The following PCED1B variants were observed in gnomAD, a reference collection of about 807,000 sequenced individuals.
PCED1B encodes the protein PC-esterase domain-containing protein 1B.
For missense variants in PCED1B, 573 were observed against 573.9 expected, an observed-to-expected ratio of 1.00 and a Z score of 0.02; for synonymous variants, 251 against 246.1, an observed-to-expected ratio of 1.02 and a Z score of -0.19.
At chr12:47,115,123 AT>A (rs1386463805) in intron 2 of PCED1B, among the ~76,000 whole-genome samples, 1 of 152,208 alleles carries the variant, frequency 6.6e-6, no homozygotes, top group African/African-American at 2.4e-5. Flanking sequence ...AAATACTTAT[AT>A]AAATGAATAA....
In PCED1B at chr12:47,235,624, C is replaced by T. The variant is rs147194930; in HGVS notation, c.561C>T (p.Thr187=). 1 of 1,610,256 alleles carries T rather than the reference C, an allele frequency of 6.2e-7. No homozygotes were observed. The highest frequency in any genetic ancestry group is 1.3e-5 in the African/African-American group (1 of 74,828). ...CCAAGCTCCGGCGGCAGAAGGCCAC[C>T]TTCCTGAAAAACGAAGTGGTCAAAG... ...LPPKLRRQKA[T]FLKNEVVKAN... is the part of the protein sequence containing the mutation. Residue 187 remains threonine, a synonymous_variant, in exon 4 of 4, where the codon ACC becomes ACT. Transcript: ENST00000546455.
chr12:47,180,542 A>G (rs1207661871), intron 2 of PCED1B, among the ~76,000 whole-genome samples: 1 of 152,240 alleles, frequency 6.6e-6, no homozygotes, highest in African/African-American at 2.4e-5. Context: ...GCATGGGCAA[A>G]GATTTCATGA....
chr12:47,080,389 T>C (rs1018565176), intron 1 of PCED1B, among the ~76,000 whole-genome samples: 1 of 152,190 alleles, frequency 6.6e-6, no homozygotes, highest in Admixed American at 6.5e-5. Context: ...GAGCTTTGCT[T>C]TGGGGCAAGG....
At chr12:47,177,591 C>CAA (rs1300684455) in intron 2 of PCED1B, among the ~76,000 whole-genome samples, 2 of 152,050 alleles carry the variant, frequency 1.3e-5, no homozygotes, top group African/African-American at 4.8e-5. Context: ...TGTACTGATG[C>CAA]CTTAGTCCAG....
At chr12:47,155,227 C>T (rs1460561401) in intron 2 of PCED1B, among the ~76,000 whole-genome samples, 1 of 152,120 alleles carries the variant, frequency 6.6e-6, no homozygotes, top group Non-Finnish European at 1.5e-5. Flanking sequence ...GTAAAATGTT[C>T]CATATACTGA....
chr12:47,228,742 G>A (rs1158335678), intron 3 of PCED1B, among the ~76,000 whole-genome samples: 4 of 151,582 alleles, frequency 2.6e-5, no homozygotes, highest in African/African-American at 9.7e-5. Flanking sequence ...GCATGGTGAT[G>A]CACACCTGTA....
chr12:47,197,121 C>G (rs531014339), intron 2 of PCED1B, among the ~76,000 whole-genome samples: 2 of 147,500 alleles, frequency 1.4e-5, no homozygotes, highest in East Asian at 4.1e-4. Context: ...CACCTGTAAT[C>G]CCAGCTACTC....
At chr12:47,174,351 G>A (rs1249339553) in intron 2 of PCED1B, among the ~76,000 whole-genome samples, 2 of 151,500 alleles carry the variant, frequency 1.3e-5, no homozygotes, top group Admixed American at 6.6e-5. Flanking sequence ...GGAGGTTGCA[G>A]TTAGCGGAGA....
rs1388686128 is a variant in PCED1B, at chr12:47,235,690, C to T, written c.627C>T (p.Phe209=). The T allele has an allele frequency of 6.2e-6, 10 of 1,613,096 alleles. No homozygotes were observed. The highest frequency in any genetic ancestry group is 2.7e-5 in the African/African-American group (2 of 74,910). ...HSATEARKHN[F]DVLDLHFHFR... ...CCACCGAGGCACGTAAACATAACTT[C>T]GATGTACTGGACTTGCATTTCCACT... The change falls in exon 4 of 4, where the codon TTC becomes TTT. Residue 209 remains phenylalanine, a synonymous_variant. Coordinates refer to ENST00000546455, the MANE Select transcript of PCED1B (RefSeq NM_138371.3).
At chr12:47,165,085 G>C (rs1050520020) in intron 2 of PCED1B, among the ~76,000 whole-genome samples, 2 of 152,142 alleles carry the variant, frequency 1.3e-5, no homozygotes, top group Non-Finnish European at 2.9e-5. Flanking sequence ...TACCCTGGAG[G>C]GGCTCCTTTG....
chr12:47,139,949 A>C (rs182639659), intron 2 of PCED1B, among the ~76,000 whole-genome samples: 3 of 151,866 alleles, frequency 2.0e-5, no homozygotes, highest in Non-Finnish European at 4.4e-5. Flanking sequence ...TAGGGTATAA[A>C]ATATTAGATG....
chr12:47,135,611 G>A, intron 2 of PCED1B: 1 of 503,452 alleles, frequency 2.0e-6, no homozygotes, highest in South Asian at 1.6e-5. Context: ...GCCCCAGTCA[G>A]GTCACCAACC....
rs557013430 is a variant in PCED1B at position 47,203,740 on chromosome 12, T to C, written c.-525-12482T>C. On this transcript the variant is annotated intron_variant, in intron 2 of 3. Transcript: ENST00000546455. ...GATGGGCATTTAGGTTGATTTCATT[T>C]ATTGCTGTTGCTACTAGTGCTCCAA... Among the ~76,000 whole-genome samples the C allele has an allele frequency of 5.3e-5, 8 of 152,360 alleles. No individual in the cohort carries two copies. The East Asian group carries it at 1.2e-3, about 22-fold the overall frequency.
intron 2 of PCED1B, among the ~76,000 whole-genome samples, chr12:47,186,694 A>C (rs1942279819): frequency 6.6e-6 from 1 of 152,162 alleles, no homozygotes. Flanking sequence ...TTTCCCCTAC[A>C]GCTTTCAGAA....
At chr12:47,098,178 C>T (rs568926314) in intron 1 of PCED1B, among the ~76,000 whole-genome samples, 64 of 152,306 alleles carry the variant, frequency 4.2e-4, no homozygotes, top group African/African-American at 1.5e-3. Context: ...CCATGTCTGC[C>T]TTGCCCCACT....
intron 2 of PCED1B, chr12:47,135,644 T>G (rs963083686): frequency 2.0e-6 from 1 of 504,416 alleles, no homozygotes. Flanking sequence ...ATAGACTTCC[T>G]GTCCTAGACT....
At chr12:47,098,310 G>A (rs931733051) in intron 1 of PCED1B, among the ~76,000 whole-genome samples, 2 of 152,132 alleles carry the variant, frequency 1.3e-5, no homozygotes, top group Admixed American at 6.5e-5. Context: ...CCCAACCAGC[G>A]AGGGCTGAGG....
intron 1 of PCED1B, among the ~76,000 whole-genome samples, chr12:47,102,182 T>G (rs1251066894): frequency 1.3e-5 from 2 of 152,210 alleles, no homozygotes; most frequent in Non-Finnish European, 2.9e-5. Flanking sequence ...ATCATTAGCT[T>G]TTAAATACTA....
intron 2 of PCED1B, among the ~76,000 whole-genome samples, chr12:47,159,855 A>T (rs1941312791): frequency 6.6e-6 from 1 of 152,170 alleles, no homozygotes; most frequent in Non-Finnish European, 1.5e-5. Context: ...TTCTTCTAGT[A>T]GTTTTATAGT....
Sources: gnomAD v4.1 joint callset for allele counts (sites outside exome capture counted in the v4.1 genomes callset) on GRCh38, gnomAD v4.1.1 for gene constraint, MANE v1.5 for transcripts, NCBI Gene and HGNC (gene_info 2026-07-23, HGNC 2026-07-21) for gene names.